EBF1: variants seen among roughly 807,000 people sequenced by gnomAD.
EBF1 encodes EBF transcription factor 1, also known as transcription factor COE1.
A neutral mutation model predicts 68.4 loss-of-function variants in EBF1; 10 were observed. That is an observed-to-expected ratio of 0.15 (90% CI 0.09 to 0.25). EBF1 has a LOEUF of 0.25. Ranked by LOEUF, EBF1 falls within the 10% of genes least tolerant of loss-of-function variation. The pLI is 1.00. For synonymous variants in EBF1, 298 were observed against 299.8 expected, an observed-to-expected ratio of 0.99 and a Z score of 0.06; for missense variants, 509 against 794.4, an observed-to-expected ratio of 0.64 and a Z score of 4.32.
chr5:158,839,275 A>C (rs1789615913), intron 7 of EBF1, among the ~76,000 whole-genome samples: 1 of 152,266 alleles, frequency 6.6e-6, no homozygotes, highest in African/African-American at 2.4e-5. Context: ...AACAATTTCC[A>C]AAATTGGAAG....
chr5:159,070,208 A>T (rs1415462182), intron 6 of EBF1, among the ~76,000 whole-genome samples: 1 of 152,112 alleles, frequency 6.6e-6, no homozygotes, highest in Non-Finnish European at 1.5e-5. Flanking sequence ...TGTGCTTCTT[A>T]ATCAAGCTAT....
chr5:159,029,253 A>G lies in EBF1; in HGVS notation c.554+44143T>C, dbSNP rs1157184375. The stretch of plus-strand genomic sequence containing the variant: ...GGTAAAAGTAAATTTAATGATAGAT[A>G]CACGATGTTGGCAAAGATTTGAATA... On this transcript the variant is annotated intron_variant, in intron 6 of 15. Transcript: ENST00000313708. 3.3e-5 allele frequency among the ~76,000 whole-genome samples: 5 copies of G among 152,366 alleles called. No homozygotes were observed. The East Asian group carries it at 9.6e-4, about 29-fold the overall frequency.
intron 6 of EBF1, among the ~76,000 whole-genome samples, chr5:159,026,748 T>A (rs374058213): frequency 1.3e-5 from 2 of 152,260 alleles, no homozygotes; most frequent in East Asian, 3.9e-4. Flanking sequence ...GATCAGCAGA[T>A]AGTTGATCTG....
chr5:158,982,206 G>A (rs1336799728), intron 6 of EBF1, among the ~76,000 whole-genome samples: 1 of 152,210 alleles, frequency 6.6e-6, no homozygotes, highest in African/African-American at 2.4e-5. Flanking sequence ...AGGTCAAATA[G>A]ATAAATGCCC....
At chr5:158,800,226 A>G (rs1780339161) in intron 8 of EBF1, among the ~76,000 whole-genome samples, 1 of 152,200 alleles carries the variant, frequency 6.6e-6, no homozygotes, top group African/African-American at 2.4e-5. Context: ...GAAAAAAACA[A>G]TTTGCAAACT....
At chr5:158,994,074 C>T (rs905633018) in intron 6 of EBF1, among the ~76,000 whole-genome samples, 3 of 152,126 alleles carry the variant, frequency 2.0e-5, no homozygotes, top group Non-Finnish European at 4.4e-5. Flanking sequence ...TATGCTGGTT[C>T]CTGCACCTCA....
chr5:159,097,282 A>AC, intron 1 of EBF1, 152 bp from the exon 2 acceptor site: 1 of 852,694 alleles, frequency 1.2e-6, no homozygotes, highest in Non-Finnish European at 1.8e-6. Context: ...GGCGACATAG[A>AC]CCCAGCTGAC....
chr5:158,990,834 C>T (rs1760163524), intron 6 of EBF1, among the ~76,000 whole-genome samples: 1 of 152,216 alleles, frequency 6.6e-6, no homozygotes, highest in South Asian at 2.1e-4. Flanking sequence ...TCTTTACTCT[C>T]TTAGTTTCTC....
At chr5:159,089,668 T>G (rs1322429231) in intron 4 of EBF1, among the ~76,000 whole-genome samples, 1 of 149,762 alleles carries the variant, frequency 6.7e-6, no homozygotes, top group Non-Finnish European at 1.5e-5. Context: ...TGACTTTGGT[T>G]CAGCAAAATC....
intron 6 of EBF1, among the ~76,000 whole-genome samples, chr5:158,900,101 G>A (rs1272701704): frequency 6.6e-6 from 1 of 152,126 alleles, no homozygotes; most frequent in African/African-American, 2.4e-5. Context: ...TCCTGTGTGT[G>A]AGCTTCCTCC....
intron 6 of EBF1, among the ~76,000 whole-genome samples, chr5:158,885,099 G>A (rs1228120289): frequency 6.6e-6 from 1 of 152,212 alleles, no homozygotes; most frequent in Non-Finnish European, 1.5e-5. Context: ...GTGGTAGGAG[G>A]CCAGGTCTAT....
chr5:158,998,441 T>C (rs1047146573), intron 6 of EBF1, among the ~76,000 whole-genome samples: 6 of 152,152 alleles, frequency 3.9e-5, no homozygotes, highest in Non-Finnish European at 8.8e-5. Context: ...ACATCGAGGA[T>C]GAGAGTTCCA....
At chr5:159,016,244 G>A (rs1765596117) in intron 6 of EBF1, among the ~76,000 whole-genome samples, 1 of 151,876 alleles carries the variant, frequency 6.6e-6, no homozygotes, top group Non-Finnish European at 1.5e-5. Context: ...CTTGAATCTA[G>A]AGCTTGCTTG....
intron 6 of EBF1, among the ~76,000 whole-genome samples, chr5:158,911,798 C>T (rs1242714262): frequency 1.3e-5 from 2 of 152,210 alleles, no homozygotes; most frequent in Admixed American, 6.5e-5. Context: ...ACATGCCCTA[C>T]TTGGCAGCTA....
At chr5:159,011,668 C>A (rs1192862844) in intron 6 of EBF1, among the ~76,000 whole-genome samples, 1 of 152,154 alleles carries the variant, frequency 6.6e-6, no homozygotes, top group Non-Finnish European at 1.5e-5. Flanking sequence ...GAAACAATGT[C>A]TTTTGTTAGA....
chr5:158,797,019 A>G (rs1182517057), intron 8 of EBF1, among the ~76,000 whole-genome samples: 1 of 152,122 alleles, frequency 6.6e-6, no homozygotes, highest in Non-Finnish European at 1.5e-5. Context: ...TTTTTTTCAA[A>G]TAAATGTCAT....
At chr5:158,998,422 T>C (rs536564260) in intron 6 of EBF1, among the ~76,000 whole-genome samples, 1 of 152,270 alleles carries the variant, frequency 6.6e-6, no homozygotes, top group South Asian at 2.1e-4. Context: ...ATATATTTAT[T>C]TCTCTTCCAC....
At chr5:159,044,303 T>C (rs191499844) in intron 6 of EBF1, among the ~76,000 whole-genome samples, 2 of 152,328 alleles carry the variant, frequency 1.3e-5, no homozygotes, top group East Asian at 3.9e-4. Context: ...AATTACATTA[T>C]TGGAAACACT....
At chr5:158,783,191 A>G (rs1776755673) in intron 9 of EBF1, among the ~76,000 whole-genome samples, 1 of 152,130 alleles carries the variant, frequency 6.6e-6, no homozygotes, top group Non-Finnish European at 1.5e-5. Context: ...AAATGTCCCA[A>G]ACTTGCACTG....
Sources: gnomAD v4.1 joint callset for allele counts (sites outside exome capture counted in the v4.1 genomes callset) on GRCh38, gnomAD v4.1.1 for gene constraint, MANE v1.5 for transcripts, NCBI Gene and HGNC (gene_info 2026-07-23, HGNC 2026-07-21) for gene names.